ZBTB7C: variants seen among roughly 807,000 people sequenced by gnomAD.
ZBTB7C encodes zinc finger and BTB domain-containing protein 7C.
Under a neutral mutation model 25.7 loss-of-function variants are expected in ZBTB7C, and 8 were observed. The ratio of observed to expected loss-of-function variants is 0.31; its 90% CI spans 0.18 to 0.56. ZBTB7C has a LOEUF of 0.56. Among genes scored for constraint, ZBTB7C ranks in the 20% least tolerant of loss-of-function variants. ZBTB7C has a pLI of 0.91. For missense variants in ZBTB7C, 824 were observed against 855.2 expected, an observed-to-expected ratio of 0.96 and a Z score of 0.46; for synonymous variants, 394 against 369.0, an observed-to-expected ratio of 1.07 and a Z score of -0.78.
At chr18:48,204,306 A>G (rs145719175) in intron 2 of ZBTB7C, among the ~76,000 whole-genome samples, 290 of 152,116 alleles carry the variant, frequency 1.9e-3, no homozygotes, top group African/African-American at 6.8e-3. Flanking sequence ...TCCCTTGTGA[A>G]CCTACCCACC....
chr18:48,047,439 G>GA (rs1296281587), intron 3 of ZBTB7C, among the ~76,000 whole-genome samples: 3 of 143,566 alleles, frequency 2.1e-5, no homozygotes, highest in African/African-American at 7.5e-5. Context: ...GAAGGAGCTA[G>GA]AAAAAAAATA....
At chr18:48,307,256 G>A (rs1421105100) in intron 2 of ZBTB7C, among the ~76,000 whole-genome samples, 1 of 152,154 alleles carries the variant, frequency 6.6e-6, no homozygotes, top group Non-Finnish European at 1.5e-5. Context: ...CGTGTTCTAC[G>A]ACTCTGAGCT....
chr18:48,165,991 C>T (rs910263236), intron 3 of ZBTB7C, among the ~76,000 whole-genome samples: 3 of 152,196 alleles, frequency 2.0e-5, no homozygotes, highest in East Asian at 1.9e-4. Context: ...CTGCATAATA[C>T]GTTTTTCCCA....
chr18:48,233,369 C>A (rs1333264621), intron 2 of ZBTB7C, among the ~76,000 whole-genome samples: 1 of 152,094 alleles, frequency 6.6e-6, no homozygotes, highest in African/African-American at 2.4e-5. Flanking sequence ...ATAATGTATC[C>A]AGTCTCTGGT....
intron 2 of ZBTB7C, among the ~76,000 whole-genome samples, chr18:48,208,445 A>G (rs924598175): frequency 2.0e-5 from 3 of 152,122 alleles, no homozygotes; most frequent in Non-Finnish European, 2.9e-5. Flanking sequence ...TCCTTTTTAA[A>G]ACCCCAGATC....
At chr18:48,064,954 C>T (rs3935039) in intron 3 of ZBTB7C, among the ~76,000 whole-genome samples, 23,287 of 152,172 alleles carry the variant, frequency 0.15, 2,203 homozygotes, top group Admixed American at 0.26. Context: ...CCTAAGCTCC[C>T]ACCACTCCAC....
intron 2 of ZBTB7C, among the ~76,000 whole-genome samples, chr18:48,322,502 G>A (rs926087691): frequency 4.6e-5 from 7 of 152,238 alleles, no homozygotes; most frequent in East Asian, 1.9e-4. Context: ...ACAGCTCAGC[G>A]GGTGGCCAGT....
At chr18:48,378,728 C>T (rs1273960558) in intron 1 of ZBTB7C, among the ~76,000 whole-genome samples, 3 of 152,022 alleles carry the variant, frequency 2.0e-5, no homozygotes, top group Admixed American at 6.6e-5. Flanking sequence ...CTCAGACAGA[C>T]AATATGCAAT....
intron 2 of ZBTB7C, among the ~76,000 whole-genome samples, chr18:48,269,693 G>A (rs762879428): frequency 5.3e-5 from 8 of 152,222 alleles, no homozygotes; most frequent in Non-Finnish European, 7.3e-5. Context: ...AGATTATAGG[G>A]ACACCTGGGA....
chr18:48,125,962 T>A (rs1186492860), intron 3 of ZBTB7C, among the ~76,000 whole-genome samples: 1 of 152,198 alleles, frequency 6.6e-6, no homozygotes, highest in Non-Finnish European at 1.5e-5. Context: ...GGAGCTGGCA[T>A]GCTGGCGGCA....
intron 2 of ZBTB7C, among the ~76,000 whole-genome samples, chr18:48,199,351 T>C (rs2042384707): frequency 6.6e-6 from 1 of 152,208 alleles, no homozygotes; most frequent in South Asian, 2.1e-4. Flanking sequence ...AAATCCTCGT[T>C]TCTAAATCAT....
chr18:48,115,228 C>A lies in ZBTB7C; in HGVS notation c.-17+70706G>T, dbSNP rs146384788. Among the ~76,000 whole-genome samples, 636 of 151,942 alleles carry A rather than the reference C, an allele frequency of 4.2e-3. 4 individuals carry two copies. The highest frequency in any genetic ancestry group is 0.015 in the African/African-American group (619 of 41,480). Reference sequence around the variant, plus strand: ...TAGTACAGGGTTTTCAAGGTTGTTCCATGTTAAGCATGTATCAGAACTTTT... The same window carrying A: ...TAGTACAGGGTTTTCAAGGTTGTTCAATGTTAAGCATGTATCAGAACTTTT... On this transcript the variant is annotated intron_variant, in intron 3 of 4. Transcript: ENST00000590800.
intron 2 of ZBTB7C, among the ~76,000 whole-genome samples, chr18:48,229,994 A>G (rs1487561351): frequency 3.3e-5 from 5 of 152,196 alleles, no homozygotes; most frequent in African/African-American, 1.2e-4. Flanking sequence ...CTGCCCAGTG[A>G]GGCAAACAGG....
At chr18:48,209,420 A>G (rs1359171570) in intron 2 of ZBTB7C, among the ~76,000 whole-genome samples, 1 of 152,228 alleles carries the variant, frequency 6.6e-6, no homozygotes, top group Non-Finnish European at 1.5e-5. Context: ...TGTGCTAGGA[A>G]GACACAAAGT....
At chr18:48,243,498 C>A (rs768448422) in intron 2 of ZBTB7C, among the ~76,000 whole-genome samples, 1 of 152,042 alleles carries the variant, frequency 6.6e-6, no homozygotes, top group African/African-American at 2.4e-5. Flanking sequence ...AGAAAAACTA[C>A]AAAACACTGC....
At chr18:48,374,430 G>A (rs1301289374) in intron 1 of ZBTB7C, 1 of 152,376 alleles carries the variant, frequency 6.6e-6, no homozygotes. Flanking sequence ...ATTCTGATCT[G>A]GCCGGCTGTC....
chr18:48,387,812 G>GT (rs1256436497), intron 1 of ZBTB7C, among the ~76,000 whole-genome samples: 1 of 139,978 alleles, frequency 7.1e-6, no homozygotes, highest in Non-Finnish European at 1.5e-5. Flanking sequence ...GGCTATGCAG[G>GT]TTTTTTGTTT....
chr18:48,360,431 A>G (rs1481364731), intron 1 of ZBTB7C, among the ~76,000 whole-genome samples: 5 of 152,242 alleles, frequency 3.3e-5, no homozygotes, highest in African/African-American at 1.2e-4. Flanking sequence ...GTGAAAAATC[A>G]CAGAGCCATG....
rs180961485 is a variant in ZBTB7C, at chr18:48,339,459, C to T, written c.-303-1061G>A. 9.5e-4 allele frequency among the ~76,000 whole-genome samples: 144 copies of T among 152,334 alleles called. No individual in the cohort carries two copies. In the South Asian group the frequency reaches 0.011, roughly 11 times the overall value. ...GACTCTCTTCAAGCTGCTTTTGCAT[C>T]CATTGGGGATCCATTTAGTTTCTCA... is the stretch of plus-strand genomic sequence containing the variant. On this transcript the variant is annotated intron_variant, in intron 1 of 4. Transcript: ENST00000590800.
Sources: gnomAD v4.1 joint callset for allele counts (sites outside exome capture counted in the v4.1 genomes callset) on GRCh38, gnomAD v4.1.1 for gene constraint, MANE v1.5 for transcripts, NCBI Gene and HGNC (gene_info 2026-07-23, HGNC 2026-07-21) for gene names.